The following FARP2 variants were observed in gnomAD, a reference collection of about 807,000 sequenced individuals.
The protein encoded by FARP2 is FERM, ARH/RhoGEF and pleckstrin domain protein 2, also known as FERM, ARHGEF and pleckstrin domain-containing protein 2.
Under a neutral mutation model 130.5 loss-of-function variants are expected in FARP2, and 111 were observed. The observed-to-expected ratio is 0.85, with a 90% CI of 0.73 to 1.00. FARP2 has a LOEUF of 1.00. Among genes scored for constraint, FARP2 ranks in the 50% least tolerant of loss-of-function variants. The pLI, the probability that FARP2 is intolerant of heterozygous loss-of-function variation, is 0.00. For synonymous variants in FARP2, 504 were observed against 516.9 expected, an observed-to-expected ratio of 0.98 and a Z score of 0.34; for missense variants, 1,385 against 1,346.3, an observed-to-expected ratio of 1.03 and a Z score of -0.45.
At chr2:241,493,597 GTTT>G (rs11320829) in intron 26 of FARP2, 153 bp downstream of exon 26, 86 of 559,394 alleles carry the variant, frequency 1.5e-4, no homozygotes, top group Non-Finnish European at 1.8e-4. Context: ...GCAATGCTTT[GTTT>G]TTTTTTTTTT....
intron 19 of FARP2, 150 bp from the exon 20 acceptor site, chr2:241,483,315 C>T: frequency 1.5e-6 from 1 of 668,048 alleles, no homozygotes; most frequent in African/African-American, 1.8e-5. Context: ...GGTAGAGGAG[C>T]CCCATTGGGA....
chr2:241,469,147 T>G lies in FARP2; in HGVS notation c.2131+770T>G, dbSNP rs1232157934. On this transcript the variant is annotated intron_variant, in intron 18 of 26. Transcript: ENST00000264042. ...TGTCGCCCAGGCTGGAGTTCAGTGG[T>G]GTGATCTTGGCTTACTGCAATCTCC... 2.6e-5 allele frequency among the ~76,000 whole-genome samples: 4 copies of G among 151,962 alleles called. No homozygotes were observed. The East Asian group carries it at 7.7e-4, about 29-fold the overall frequency.
chr2:241,399,951 T>C (rs2062125412), intron 2 of FARP2, among the ~76,000 whole-genome samples: 1 of 152,136 alleles, frequency 6.6e-6, no homozygotes, highest in African/African-American at 2.4e-5. Context: ...CACATACATA[T>C]GTTTGTTTGT....
chr2:241,431,559 A>G, intron 8 of FARP2, 120 bp from the exon 9 acceptor site: 1 of 627,800 alleles, frequency 1.6e-6, no homozygotes, highest in Non-Finnish European at 2.9e-6. Flanking sequence ...CTCAGATATA[A>G]TGGTAAAATG....
At chr2:241,466,474 C>T (rs1264547457) in intron 17 of FARP2, 2 of 985,460 alleles carry the variant, frequency 2.0e-6, no homozygotes, top group Non-Finnish European at 2.4e-6. Context: ...GCAGACTCCT[C>T]AGCCAACCCT....
At chr2:241,442,754 T>A (rs888672472) in intron 13 of FARP2, 9 of 312,714 alleles carry the variant, frequency 2.9e-5, no homozygotes, top group African/African-American at 2.0e-4. Context: ...ACCTGAGTAC[T>A]CCAGCCAGTC....
chr2:241,376,866 C>T (rs544892331), intron 2 of FARP2, among the ~76,000 whole-genome samples: 1 of 152,326 alleles, frequency 6.6e-6, no homozygotes, highest in East Asian at 1.9e-4. Flanking sequence ...TGCTTGCTGT[C>T]TCCCTGCTCC....
intron 17 of FARP2, 120 bp from the exon 18 acceptor site, chr2:241,468,020 A>G: frequency 2.6e-6 from 2 of 756,244 alleles, no homozygotes; most frequent in Non-Finnish European, 4.8e-6. Context: ...ACGCTGGGCC[A>G]CTGGTCCATT....
intron 2 of FARP2, among the ~76,000 whole-genome samples, chr2:241,403,311 T>G (rs900324746): frequency 3.1e-4 from 47 of 151,892 alleles, no homozygotes; most frequent in African/African-American, 1.1e-3. Flanking sequence ...TTCTTGCAAG[T>G]TCAAGCAATC....
chr2:241,373,215 G>A lies in FARP2; in HGVS notation c.108G>A (p.Leu36=), dbSNP rs751905299. ...CCCTTGAGCCTGGGCAGACTCTCTTGCCCAGAATGCAAGAGAAGCACCTGC... is the reference window on the plus strand; with the variant it reads ...CCCTTGAGCCTGGGCAGACTCTCTTACCCAGAATGCAAGAGAAGCACCTGC... ...VSTLEPGQTL[L]PRMQEKHLHL... is the part of the protein sequence containing the mutation. Residue 36 remains leucine (L), a synonymous_variant, in exon 2 of 27, where the codon TTG becomes TTA. Transcript: ENST00000264042. 1.3e-6 allele frequency: 2 copies of A among 1,573,232 alleles called. No individual in the cohort carries two copies. The highest frequency in any genetic ancestry group is 1.2e-5 in the South Asian group (1 of 86,546).
chr2:241,360,673 C>CAA (rs57878067), intron 1 of FARP2, among the ~76,000 whole-genome samples: 2,433 of 91,764 alleles, frequency 0.027, 81 homozygotes, highest in African/African-American at 0.086. Flanking sequence ...GACTCTGTCT[C>CAA]AAAAAAAAAA....
chr2:241,488,168 A>C (rs1353791455), intron 21 of FARP2: 1 of 151,912 alleles, frequency 6.6e-6, no homozygotes, highest in Non-Finnish European at 1.5e-5. Context: ...CTGGAAGTGA[A>C]AAACAGAATG....
intron 2 of FARP2, among the ~76,000 whole-genome samples, chr2:241,394,930 A>G (rs1347769029): frequency 6.6e-6 from 1 of 152,172 alleles, no homozygotes; most frequent in African/African-American, 2.4e-5. Context: ...GCTGTGTGTG[A>G]TGTTTTCTGG....
At chr2:241,457,440 C>T (rs548020505) in intron 14 of FARP2, among the ~76,000 whole-genome samples, 1 of 129,870 alleles carries the variant, frequency 7.7e-6, no homozygotes, top group African/African-American at 2.8e-5. Context: ...GTAGAAAGAT[C>T]TGGGTGCTAA....
At chr2:241,452,807 G>A (rs193021858) in intron 13 of FARP2, among the ~76,000 whole-genome samples, 1 of 151,788 alleles carries the variant, frequency 6.6e-6, no homozygotes, top group Admixed American at 6.6e-5. Context: ...TGGGCATGGT[G>A]GCGGGCATGT....
intron 8 of FARP2, among the ~76,000 whole-genome samples, chr2:241,428,238 T>TC (rs909180184): frequency 6.7e-6 from 1 of 149,034 alleles, no homozygotes; most frequent in Non-Finnish European, 1.5e-5. Flanking sequence ...ATTTTACTTT[T>TC]TTTTTTTTTT....
At chr2:241,437,957 G>T (rs1012391536) in intron 12 of FARP2, among the ~76,000 whole-genome samples, 2 of 152,068 alleles carry the variant, frequency 1.3e-5, no homozygotes, top group African/African-American at 4.8e-5. Flanking sequence ...GAGCCACCAC[G>T]CCCAGCCGCC....
intron 26 of FARP2, 66 bp downstream of exon 26, chr2:241,493,510 C>A: frequency 6.6e-7 from 1 of 1,521,800 alleles, no homozygotes; most frequent in Non-Finnish European, 9.1e-7. Flanking sequence ...CCCATTTCTA[C>A]TCATGGTGGT....
At chr2:241,406,179 G>T (rs1032564057) in intron 4 of FARP2, among the ~76,000 whole-genome samples, 7 of 147,638 alleles carry the variant, frequency 4.7e-5, no homozygotes, top group Non-Finnish European at 9.0e-5. Context: ...ATGGTGGGGG[G>T]CGCCTGTAGT....
Sources: gnomAD v4.1 joint callset for allele counts (sites outside exome capture counted in the v4.1 genomes callset) on GRCh38, gnomAD v4.1.1 for gene constraint, MANE v1.5 for transcripts, NCBI Gene and HGNC (gene_info 2026-07-23, HGNC 2026-07-21) for gene names.